Variants in IL17RD observed in about 807,000 individuals in gnomAD.
IL17RD encodes interleukin-17 receptor D.
IL17RD carries 52 observed loss-of-function variants against 80.5 expected under a neutral mutation model. The ratio of observed to expected loss-of-function variants is 0.65; its 90% CI spans 0.52 to 0.81. The LOEUF (loss-of-function observed/expected upper bound fraction) is 0.81. Ranked by LOEUF, IL17RD falls within the 40% of genes least tolerant of loss-of-function variation. The pLI, the probability that IL17RD is intolerant of heterozygous loss-of-function variation, is 0.00. For missense variants in IL17RD, 1,024 were observed against 955.1 expected (o/e 1.07, Z -0.95); for synonymous variants, 416 against 391.8 (o/e 1.06, Z -0.73).
intron 1 of IL17RD, among the ~76,000 whole-genome samples, chr3:57,158,040 A>G (rs1045916157): frequency 6.6e-6 from 1 of 152,236 alleles, no homozygotes; most frequent in African/African-American, 2.4e-5. Context: ...CTAATCCCTC[A>G]TGATTTCAAA....
At chr3:57,120,772 C>A (rs1218092965) in intron 1 of IL17RD, among the ~76,000 whole-genome samples, 1 of 152,176 alleles carries the variant, frequency 6.6e-6, no homozygotes, top group African/African-American at 2.4e-5. Flanking sequence ...ACTGGTTTCT[C>A]ATTTCAAGAC....
intron 1 of IL17RD, among the ~76,000 whole-genome samples, chr3:57,144,804 T>C (rs1334124309): frequency 2.0e-5 from 3 of 152,198 alleles, no homozygotes; most frequent in Non-Finnish European, 2.9e-5. Context: ...GGGGCGGGGC[T>C]CAGCCAGGGT....
intron 1 of IL17RD, chr3:57,164,854 G>GT (rs1447726902): frequency 8.8e-6 from 10 of 1,133,794 alleles, no homozygotes; most frequent in East Asian, 1.2e-4. Flanking sequence ...AGAACAAAGG[G>GT]TGGGGCGCCC....
At chr3:57,132,834 A>T (rs1405423940) in intron 1 of IL17RD, among the ~76,000 whole-genome samples, 1 of 152,148 alleles carries the variant, frequency 6.6e-6, no homozygotes, top group Non-Finnish European at 1.5e-5. Flanking sequence ...TTCATCACTG[A>T]GTGTGGAGGA....
chr3:57,110,389 T>C, intron 3 of IL17RD, 78 bp from the exon 4 acceptor site: 1 of 1,447,122 alleles, frequency 6.9e-7, no homozygotes, highest in South Asian at 1.2e-5. Flanking sequence ...AAGATTACCA[T>C]CTTCTCTACC....
chr3:57,109,819 T>G (rs1707053111), intron 4 of IL17RD, among the ~76,000 whole-genome samples, 162 bp from the exon 5 acceptor site: 2 of 152,056 alleles, frequency 1.3e-5, no homozygotes, highest in Non-Finnish European at 2.9e-5. Flanking sequence ...TGGACTAACT[T>G]GAGATTTGGA....
chr3:57,165,132 C>T, intron 1 of IL17RD, 29 bp downstream of exon 1: 2 of 1,500,830 alleles, frequency 1.3e-6, no homozygotes, highest in Non-Finnish European at 1.8e-6. Context: ...GAGTTGGCGA[C>T]GGCAAGAAAC....
At chr3:57,136,947 T>C (rs903487368) in intron 1 of IL17RD, among the ~76,000 whole-genome samples, 1 of 152,180 alleles carries the variant, frequency 6.6e-6, no homozygotes, top group Non-Finnish European at 1.5e-5. Flanking sequence ...GTTATGCCAC[T>C]GAGCTCTATG....
chr3:57,150,734 C>G (rs1251425382), intron 1 of IL17RD, among the ~76,000 whole-genome samples: 1 of 152,094 alleles, frequency 6.6e-6, no homozygotes, highest in East Asian at 1.9e-4. Context: ...TGAAAATAAA[C>G]AAAAACTCAA....
chr3:57,127,632 C>T (rs958981342), intron 1 of IL17RD, among the ~76,000 whole-genome samples: 5 of 151,776 alleles, frequency 3.3e-5, no homozygotes, highest in Non-Finnish European at 5.9e-5. Flanking sequence ...GTCTCGAACT[C>T]CTGATCTCAA....
intron 5 of IL17RD, 94 bp downstream of exon 5, chr3:57,109,443 C>A: frequency 7.0e-7 from 1 of 1,433,058 alleles, no homozygotes; most frequent in Non-Finnish European, 9.5e-7. Context: ...CCGCGCCCGG[C>A]CTTGGCACGT....
At position 57,165,292 on chromosome 3, in the gene IL17RD, T is replaced by C. The variant is rs905207279; in HGVS notation, c.-6A>G. On this transcript the variant is annotated 5_prime_UTR_variant, in exon 1 of 13. Coordinates refer to ENST00000296318, the MANE Select transcript of IL17RD (RefSeq NM_017563.5). Reference sequence around the variant, plus strand: ...AGCTGCAGCCACGGGGCCATGGCCGTGCGCTCGCCCAGCCAGGCCGTTCTC... The same window carrying C: ...AGCTGCAGCCACGGGGCCATGGCCGCGCGCTCGCCCAGCCAGGCCGTTCTC... 1.2e-5 allele frequency: 18 copies of C among 1,453,842 alleles called. No individual in the cohort carries two copies. The highest frequency in any genetic ancestry group is 2.0e-4 in the Middle Eastern group (1 of 4,916). The allele number at this position is 1,453,842 out of a possible 1,614,324, so 90.1% of individuals were successfully genotyped here. A position where few individuals can be genotyped will look rare whatever the true frequency, so the allele number is the denominator to read the frequency against.
chr3:57,140,214 T>C (rs1020486486), intron 1 of IL17RD, among the ~76,000 whole-genome samples: 6 of 152,210 alleles, frequency 3.9e-5, no homozygotes, highest in African/African-American at 9.6e-5. Context: ...CTCAGCACTT[T>C]ACAGTTTGAA....
intron 1 of IL17RD, among the ~76,000 whole-genome samples, chr3:57,160,096 TG>T (rs1288774125): frequency 6.6e-6 from 1 of 152,020 alleles, no homozygotes; most frequent in Admixed American, 6.6e-5. Flanking sequence ...CGCTTAAACC[TG>T]GGAGGCGGAG....
chr3:57,163,576 T>C (rs2060321257), intron 1 of IL17RD, among the ~76,000 whole-genome samples: 2 of 152,040 alleles, frequency 1.3e-5, no homozygotes, highest in South Asian at 2.1e-4. Flanking sequence ...GCCTGTGATA[T>C]TGTAGTCATT....
At chr3:57,134,516 G>C (rs1707680054) in intron 1 of IL17RD, 6 of 1,304,168 alleles carry the variant, frequency 4.6e-6, no homozygotes, top group Non-Finnish European at 6.6e-6. Context: ...ACCTGAAGGT[G>C]AAGGGGAATG....
intron 1 of IL17RD, chr3:57,150,484 A>G (rs1708037554): frequency 6.6e-6 from 1 of 152,188 alleles, no homozygotes. Context: ...TCTTTGTGCC[A>G]TGGAATCCTC....
At chr3:57,103,554 G>C (rs1397057845) in intron 8 of IL17RD, among the ~76,000 whole-genome samples, 1 of 152,126 alleles carries the variant, frequency 6.6e-6, no homozygotes, top group Non-Finnish European at 1.5e-5. Flanking sequence ...GCAAGAACTA[G>C]GTGTTTCTAC....
chr3:57,140,026 A>G (rs1045406385), intron 1 of IL17RD, among the ~76,000 whole-genome samples: 1 of 152,152 alleles, frequency 6.6e-6, no homozygotes, highest in Non-Finnish European at 1.5e-5. Flanking sequence ...CTGGCCCTGG[A>G]AAAAAGTACT....
Sources: gnomAD v4.1 joint callset for allele counts (sites outside exome capture counted in the v4.1 genomes callset) on GRCh38, gnomAD v4.1.1 for gene constraint, MANE v1.5 for transcripts, NCBI Gene and HGNC (gene_info 2026-07-23, HGNC 2026-07-21) for gene names.